Variants in MLIP observed in about 807,000 individuals in gnomAD.
MLIP encodes muscular LMNA interacting protein.
A neutral mutation model predicts 84.8 loss-of-function variants in MLIP; 79 were observed. That is an observed-to-expected ratio of 0.93 (90% CI 0.78 to 1.12). The LOEUF (loss-of-function observed/expected upper bound fraction) is 1.12. Among genes scored for constraint, MLIP ranks in the 50% most tolerant of loss-of-function variants. The probability of loss-of-function intolerance (pLI) is 0.00; values close to 1 mark genes in which losing one functional copy is unlikely to be tolerated. For missense variants in MLIP, 1,257 were observed against 1,160.6 expected, an observed-to-expected ratio of 1.08 and a Z score of -1.21; for synonymous variants, 504 against 463.0, an observed-to-expected ratio of 1.09 and a Z score of -1.14.
At chr6:54,111,322 C>T (rs1769443576), upstream of MLIP, 7 of 1,258,478 alleles carry the variant, frequency 5.6e-6, no homozygotes, top group South Asian at 1.2e-4. Context: ...CAGAAATCTA[C>T]TCTTCGGAGC....
chr6:54,069,687 T>C (rs1766372274), intron 1 of MLIP, among the ~76,000 whole-genome samples: 1 of 99,906 alleles, frequency 1.0e-5, no homozygotes. Context: ...AGACAATTTT[T>C]TTTTTCTGAA....
At chr6:54,049,174 A>T (rs909660632) in intron 1 of MLIP, among the ~76,000 whole-genome samples, 1 of 152,176 alleles carries the variant, frequency 6.6e-6, no homozygotes, top group Non-Finnish European at 1.5e-5. Flanking sequence ...GATTTTCAGC[A>T]AATACCTAAA....
chr6:54,106,427 A>G (rs1211201529), intron 1 of MLIP, among the ~76,000 whole-genome samples: 2 of 152,196 alleles, frequency 1.3e-5, no homozygotes, highest in African/African-American at 4.8e-5. Context: ...TCATCAGAGC[A>G]TCCACTCAGG....
At chr6:54,159,763 GGA>G (rs2150559939) in intron 5 of MLIP, among the ~76,000 whole-genome samples, 1 of 152,118 alleles carries the variant, frequency 6.6e-6, no homozygotes, top group East Asian at 1.9e-4. Context: ...CCAAATCTCT[GGA>G]TAACTATTGA....
chr6:54,202,731 A>G (rs1303336942), intron 11 of MLIP, among the ~76,000 whole-genome samples: 1 of 152,150 alleles, frequency 6.6e-6, no homozygotes, highest in African/African-American at 2.4e-5. Context: ...CATCTCTACA[A>G]CAAATTAAAA....
intron 11 of MLIP, among the ~76,000 whole-genome samples, chr6:54,211,592 C>A (rs2150743057): frequency 6.6e-6 from 1 of 152,330 alleles, no homozygotes; most frequent in Non-Finnish European, 1.5e-5. Context: ...ATCACCTCTA[C>A]TCTGTGCATT....
intron 1 of MLIP, among the ~76,000 whole-genome samples, chr6:54,114,116 C>A (rs1223563967): frequency 6.6e-6 from 1 of 152,200 alleles, no homozygotes; most frequent in Non-Finnish European, 1.5e-5. Flanking sequence ...CCTTAAAACG[C>A]CCAGGCCACC....
At chr6:54,126,653 T>G (rs1259757220) in intron 3 of MLIP, among the ~76,000 whole-genome samples, 1 of 152,080 alleles carries the variant, frequency 6.6e-6, no homozygotes, top group Non-Finnish European at 1.5e-5. Flanking sequence ...TTGCCACAAG[T>G]GTAAACTAAG....
rs937405548 is a variant in MLIP, at chr6:54,216,607, C to A, written c.2719-14107C>A. The A allele has an allele frequency of 1.1e-5, 11 of 971,576 alleles. No homozygotes were observed. In the East Asian group the frequency reaches 6.8e-4, roughly 60 times the overall value. 60.2% of individuals were successfully genotyped at this position (971,576 alleles called of 1,614,324 possible). A position where few individuals can be genotyped will look rare whatever the true frequency, so the allele number is the denominator to read the frequency against. On this transcript the variant is annotated intron_variant, in intron 11 of 13. Transcript: ENST00000502396. ...AAATTATGTTGTGATTATTAAAAAT[C>A]TTTTTTTATATAGAGGATTTCAAAT...
At position 54,136,949 on chromosome 6, in the gene MLIP, T is replaced by G. The variant is rs1219764895; in HGVS notation, c.880T>G (p.Ser294Ala). 5 of 1,536,062 alleles carry G rather than the reference T, an allele frequency of 3.3e-6. No individual in the cohort carries two copies. The highest frequency in any genetic ancestry group is 3.5e-6 in the Non-Finnish European group (4 of 1,146,880). ...ACCCTTTTCTGCATCGAAGGGCACC[T>G]CCTCGACGTTACTGTTTCCCCATTC... ...STPFSASKGT[S>A]STLLFPHSTQ... The change falls in exon 4 of 14, where the codon TCC (serine) becomes GCC (alanine). Residue 294 changes from serine (S) to alanine (A), a missense_variant. By Grantham distance (99) the Ser-to-Ala change is moderately conservative. Coordinates refer to ENST00000502396, the MANE Select transcript of MLIP (RefSeq NM_001281747.2).
chr6:54,028,408 G>T (rs1255576588), intron 1 of MLIP, among the ~76,000 whole-genome samples: 2 of 152,242 alleles, frequency 1.3e-5, no homozygotes, highest in East Asian at 3.9e-4. Context: ...AGTTGAGAGA[G>T]CTCATAGGAT....
At chr6:54,250,661 T>A (rs1362197786) in intron 12 of MLIP, among the ~76,000 whole-genome samples, 1 of 152,128 alleles carries the variant, frequency 6.6e-6, no homozygotes, top group East Asian at 1.9e-4. Flanking sequence ...CTCATAGTAA[T>A]TCTCTGTCCT....
At chr6:54,120,297 C>A (rs1033398948) in intron 1 of MLIP, among the ~76,000 whole-genome samples, 4 of 152,042 alleles carry the variant, frequency 2.6e-5, no homozygotes, top group African/African-American at 9.6e-5. Context: ...TGCAGTGGCA[C>A]GATCTCGGCT....
chr6:54,136,649 C>T (rs1023703942), intron 3 of MLIP, 66 bp from the exon 4 acceptor site: 2 of 1,343,376 alleles, frequency 1.5e-6, no homozygotes. Context: ...GCACAAGTGA[C>T]AAGAATATTT....
intron 13 of MLIP, chr6:54,261,569 A>T (rs1371611531): frequency 1.0e-6 from 1 of 984,506 alleles, no homozygotes; most frequent in Middle Eastern, 5.2e-4. Context: ...TAGCAAGGTG[A>T]CTATGACTGA....
At chr6:54,175,095 C>G (rs1441488388) in intron 9 of MLIP, among the ~76,000 whole-genome samples, 1 of 151,878 alleles carries the variant, frequency 6.6e-6, no homozygotes, top group Admixed American at 6.6e-5. Flanking sequence ...GTATTCTGTT[C>G]CATTGGTCTA....
At chr6:54,066,637 A>G (rs1766238518) in intron 1 of MLIP, among the ~76,000 whole-genome samples, 1 of 100,194 alleles carries the variant, frequency 1.0e-5, no homozygotes, top group African/African-American at 2.6e-5. Context: ...GTAGGTAGAT[A>G]CTGACTGAGG....
chr6:54,219,702 G>T (rs1316648179), intron 11 of MLIP, among the ~76,000 whole-genome samples: 1 of 152,106 alleles, frequency 6.6e-6, no homozygotes, highest in South Asian at 2.1e-4. Flanking sequence ...TCTAAGCTTT[G>T]CTGATTTATA....
intron 13 of MLIP, among the ~76,000 whole-genome samples, chr6:54,263,529 T>C (rs1486752857): frequency 6.6e-6 from 1 of 152,116 alleles, no homozygotes; most frequent in Non-Finnish European, 1.5e-5. Flanking sequence ...CCTAATTTCA[T>C]ATTCACAAGA....
Sources: gnomAD v4.1 joint callset for allele counts (sites outside exome capture counted in the v4.1 genomes callset) on GRCh38, gnomAD v4.1.1 for gene constraint, MANE v1.5 for transcripts, NCBI Gene and HGNC (gene_info 2026-07-23, HGNC 2026-07-21) for gene names.